The following RBFOX1 variants were observed in gnomAD, a reference collection of about 807,000 sequenced individuals.
RBFOX1 encodes RNA binding fox-1 homolog 1, also known as RNA binding protein fox-1 homolog 1.
In RBFOX1, 8 loss-of-function variants were observed where a neutral mutation model predicts 57.7. That is an observed-to-expected ratio of 0.14 (90% CI 0.08 to 0.25). RBFOX1 has a LOEUF of 0.25. Ranked by LOEUF, RBFOX1 falls within the 10% of genes least tolerant of loss-of-function variation. The probability of loss-of-function intolerance (pLI) is 1.00; values close to 1 mark genes in which losing one functional copy is unlikely to be tolerated. For missense variants in RBFOX1, 611 were observed against 548.5 expected, an observed-to-expected ratio of 1.11 and a Z score of -1.14; for synonymous variants, 326 against 222.4, an observed-to-expected ratio of 1.47 and a Z score of -4.15.
intron 2 of RBFOX1, among the ~76,000 whole-genome samples, chr16:6,551,088 G>A (rs2096981244): frequency 6.6e-6 from 1 of 152,168 alleles, no homozygotes; most frequent in Non-Finnish European, 1.5e-5. Flanking sequence ...CATTTTATGT[G>A]ATAATGGCTC....
At chr16:7,388,829 A>G (rs1044174526) in intron 4 of RBFOX1, among the ~76,000 whole-genome samples, 1 of 152,058 alleles carries the variant, frequency 6.6e-6, no homozygotes, top group African/African-American at 2.4e-5. Context: ...TTTAAGGTAG[A>G]GAAGACAAAG....
chr16:7,297,172 G>T (rs2141852918), intron 4 of RBFOX1, among the ~76,000 whole-genome samples: 1 of 152,308 alleles, frequency 6.6e-6, no homozygotes, highest in African/African-American at 2.4e-5. Flanking sequence ...AGGGAAGGCA[G>T]TTTGGGCCAT....
At chr16:5,777,940 A>G (rs117553879) in intron 3 of RBFOX1, among the ~76,000 whole-genome samples, 92 of 152,230 alleles carry the variant, frequency 6.0e-4, no homozygotes, top group Non-Finnish European at 1.2e-3. Flanking sequence ...TTTATTCTTC[A>G]TAACCACCAT....
intron 3 of RBFOX1, among the ~76,000 whole-genome samples, chr16:5,624,334 A>G (rs1217948168): frequency 6.6e-6 from 1 of 152,200 alleles, no homozygotes; most frequent in East Asian, 1.9e-4. Context: ...AGCTGGGACT[A>G]CAGGCACCTA....
intron 13 of RBFOX1, among the ~76,000 whole-genome samples, chr16:7,669,671 C>G (rs1315220284): frequency 6.6e-6 from 1 of 152,196 alleles, no homozygotes. Context: ...ATTCCTGTCA[C>G]TCTGCCACCC....
chr16:6,170,423 A>G (rs766157173), intron 1 of RBFOX1, among the ~76,000 whole-genome samples: 12 of 152,188 alleles, frequency 7.9e-5, no homozygotes, highest in Admixed American at 1.3e-4. Flanking sequence ...TAATAAAGTC[A>G]CCAAGGAATT....
intron 2 of RBFOX1, among the ~76,000 whole-genome samples, chr16:6,410,224 T>G (rs1284741723): frequency 2.0e-5 from 3 of 150,048 alleles, no homozygotes; most frequent in Non-Finnish European, 4.4e-5. Flanking sequence ...ATGAATGTGC[T>G]TTTACAGGTA....
At chr16:5,538,355 A>G (rs1333456522) in intron 2 of RBFOX1, among the ~76,000 whole-genome samples, 1 of 152,216 alleles carries the variant, frequency 6.6e-6, no homozygotes, top group Non-Finnish European at 1.5e-5. Context: ...TTTCTAAAAG[A>G]AAATATTTAT....
At chr16:7,185,803 C>T (rs1053121792) in intron 4 of RBFOX1, among the ~76,000 whole-genome samples, 2 of 152,154 alleles carry the variant, frequency 1.3e-5, no homozygotes, top group African/African-American at 4.8e-5. Flanking sequence ...AAGATCTGAG[C>T]ATCAGTCAGA....
At chr16:5,438,819 T>G in intron 1 of RBFOX1, among the ~76,000 whole-genome samples, 1 of 152,112 alleles carries the variant, frequency 6.6e-6, no homozygotes, top group East Asian at 1.9e-4. Flanking sequence ...TCAGCCATCT[T>G]GCACTCTTTA....
At position 7,602,574 on chromosome 16, in the gene RBFOX1, C is replaced by G. The variant is rs562689295; in HGVS notation, c.623-4711C>G. 1.4e-4 allele frequency among the ~76,000 whole-genome samples: 21 copies of G among 152,298 alleles called. No individual in the cohort carries two copies. The South Asian group carries it at 4.4e-3, about 32-fold the overall frequency. ...TCTTCCTGACAGTGCAGGCTCTTAT[C>G]TCCAGCAGGGTTATCCCAAGGGTCT... On this transcript the variant is annotated intron_variant, in intron 9 of 15. Transcript: ENST00000550418.
chr16:6,250,164 T>C (rs12448391), intron 1 of RBFOX1, among the ~76,000 whole-genome samples: 18,072 of 152,186 alleles, frequency 0.12, 1,198 homozygotes, highest in Middle Eastern at 0.27. Flanking sequence ...CTGCTGTTGC[T>C]TAGTTGCTTG....
intron 3 of RBFOX1, among the ~76,000 whole-genome samples, chr16:7,050,102 A>G (rs898471126): frequency 2.0e-5 from 3 of 151,338 alleles, no homozygotes; most frequent in Admixed American, 6.6e-5. Context: ...TTATGGAGAC[A>G]TAATTTACAT....
chr16:6,311,659 C>T (rs753827144), intron 1 of RBFOX1, among the ~76,000 whole-genome samples: 2 of 152,104 alleles, frequency 1.3e-5, no homozygotes, highest in Non-Finnish European at 2.9e-5. Flanking sequence ...TCAGTGAGTC[C>T]AGGAAGGCAT....
intron 3 of RBFOX1, among the ~76,000 whole-genome samples, chr16:6,847,174 C>T (rs2093802226): frequency 1.3e-5 from 2 of 152,188 alleles, no homozygotes; most frequent in African/African-American, 2.4e-5. Flanking sequence ...AACTCAAGCC[C>T]TCACTTCCAG....
intron 4 of RBFOX1, among the ~76,000 whole-genome samples, chr16:7,228,685 T>C (rs1037125813): frequency 1.3e-5 from 2 of 152,212 alleles, no homozygotes; most frequent in Admixed American, 6.5e-5. Context: ...TCTCGCTTTA[T>C]TCAGTCAAAG....
intron 3 of RBFOX1, among the ~76,000 whole-genome samples, chr16:6,740,315 G>T (rs1037662085): frequency 1.5e-4 from 23 of 152,118 alleles, no homozygotes; most frequent in African/African-American, 5.6e-4. Flanking sequence ...GTGTATAATG[G>T]TACAAATGAA....
intron 1 of RBFOX1, among the ~76,000 whole-genome samples, chr16:6,068,093 A>G (rs2095790382): frequency 8.6e-6 from 1 of 115,778 alleles, no homozygotes. Flanking sequence ...TAGGCTCTTC[A>G]TTCATTTTTT....
intron 1 of RBFOX1, among the ~76,000 whole-genome samples, chr16:5,324,668 G>A (rs980006871): frequency 1.3e-5 from 2 of 152,176 alleles, no homozygotes; most frequent in Non-Finnish European, 2.9e-5. Context: ...AACATAGATG[G>A]AGCTAGAGGC....
Sources: allele counts gnomAD v4.1 joint callset (sites outside exome capture counted in the v4.1 genomes callset), GRCh38; gene constraint gnomAD v4.1.1; transcripts MANE v1.5; gene names NCBI Gene and HGNC (gene_info 2026-07-23, HGNC 2026-07-21).